THSD4: variants seen among roughly 807,000 people sequenced by gnomAD.
THSD4 encodes thrombospondin type-1 domain-containing protein 4.
Under a neutral mutation model 119.0 loss-of-function variants are expected in THSD4, and 69 were observed. The observed-to-expected ratio is 0.58, with a 90% CI of 0.48 to 0.71. The LOEUF (loss-of-function observed/expected upper bound fraction) is 0.71. Among genes scored for constraint, THSD4 ranks in the 30% least tolerant of loss-of-function variants. THSD4 has a pLI of 0.00. For missense variants in THSD4, 1,393 were observed against 1,391.1 expected, an observed-to-expected ratio of 1.00 and a Z score of -0.02; for synonymous variants, 524 against 540.4, an observed-to-expected ratio of 0.97 and a Z score of 0.42.
rs138371413 is a variant in THSD4, at chr15:71,723,509, A to C, written c.1358-5040A>C. On this transcript the variant is annotated intron_variant, in intron 8 of 17. Coordinates refer to ENST00000261862, the MANE Select transcript of THSD4 (RefSeq NM_024817.3). ...TCTTTTGAGCTCTTTGCCCTTGTCTACTGTGTAAACATTCAATTCTTACTA... is the reference window on the plus strand; with the variant it reads ...TCTTTTGAGCTCTTTGCCCTTGTCTCCTGTGTAAACATTCAATTCTTACTA... 1.5e-3 allele frequency among the ~76,000 whole-genome samples: 230 copies of C among 152,274 alleles called. 1 individual carries two copies. Among genetic ancestry groups the C allele is most frequent in the African/African-American group, 5.4e-3 (226 of 41,546 alleles).
chr15:71,398,745 T>C (rs1466304510), intron 6 of THSD4, among the ~76,000 whole-genome samples: 1 of 151,958 alleles, frequency 6.6e-6, no homozygotes, highest in African/African-American at 2.4e-5. Context: ...AAGCAGAGGT[T>C]GACAGCCACC....
At chr15:71,488,855 G>C (rs1238403802) in intron 7 of THSD4, among the ~76,000 whole-genome samples, 1 of 152,100 alleles carries the variant, frequency 6.6e-6, no homozygotes, top group African/African-American at 2.4e-5. Flanking sequence ...TTTTAGTTCT[G>C]TTTATTCTAC....
intron 11 of THSD4, among the ~76,000 whole-genome samples, chr15:71,742,215 T>C (rs956872549): frequency 1.3e-5 from 2 of 152,220 alleles, no homozygotes; most frequent in African/African-American, 4.8e-5. Context: ...GTGCTTTTCA[T>C]GGTCAAATTT....
intron 3 of THSD4, among the ~76,000 whole-genome samples, chr15:71,169,684 T>C (rs2043334803): frequency 6.6e-6 from 1 of 152,188 alleles, no homozygotes; most frequent in African/African-American, 2.4e-5. Context: ...CCAGATAACA[T>C]ATATGAAATA....
At chr15:71,609,619 G>A (rs1242484014) in intron 7 of THSD4, among the ~76,000 whole-genome samples, 3 of 152,254 alleles carry the variant, frequency 2.0e-5, no homozygotes, top group East Asian at 3.9e-4. Flanking sequence ...TTGGGAGGCC[G>A]AGGCGGGCAG....
chr15:71,147,383 A>T (rs116796023), intron 2 of THSD4, among the ~76,000 whole-genome samples: 2,033 of 151,880 alleles, frequency 0.013, 51 homozygotes, highest in African/African-American at 0.047. Flanking sequence ...TTTAAAAAAA[A>T]TTTTTTTGTA....
intron 1 of THSD4, among the ~76,000 whole-genome samples, chr15:71,119,354 G>A (rs2040389744): frequency 6.6e-6 from 1 of 152,212 alleles, no homozygotes; most frequent in Non-Finnish European, 1.5e-5. Context: ...GATTACCTCA[G>A]GCGATTCTTC....
At chr15:71,559,295 G>A (rs1301941175) in intron 7 of THSD4, among the ~76,000 whole-genome samples, 2 of 152,112 alleles carry the variant, frequency 1.3e-5, no homozygotes, top group African/African-American at 4.8e-5. Flanking sequence ...TGTGGTTTCT[G>A]AGTTTAGAAT....
At chr15:71,244,939 C>T (rs1296973902) in intron 5 of THSD4, among the ~76,000 whole-genome samples, 2 of 152,188 alleles carry the variant, frequency 1.3e-5, no homozygotes, top group Non-Finnish European at 2.9e-5. Context: ...AGCTGATGCC[C>T]GCTTAGCATT....
intron 14 of THSD4, among the ~76,000 whole-genome samples, chr15:71,749,602 A>G (rs2053405940): frequency 6.6e-6 from 1 of 152,212 alleles, no homozygotes; most frequent in Admixed American, 6.5e-5. Flanking sequence ...TGTGAACCGC[A>G]TTAAAGTGTA....
chr15:71,547,407 A>G, intron 7 of THSD4: 1 of 1,550,268 alleles, frequency 6.5e-7, no homozygotes, highest in South Asian at 1.2e-5. Context: ...ACTTTGGGTA[A>G]TAATGTTTGT....
chr15:71,755,520 G>A (rs184672181), intron 14 of THSD4, among the ~76,000 whole-genome samples: 9 of 152,024 alleles, frequency 5.9e-5, no homozygotes, highest in Non-Finnish European at 8.8e-5. Flanking sequence ...AAGGGCTTTG[G>A]TCATGTGCTA....
chr15:71,277,218 C>T (rs566358058), intron 6 of THSD4, among the ~76,000 whole-genome samples: 6 of 150,504 alleles, frequency 4.0e-5, no homozygotes, highest in African/African-American at 1.2e-4. Flanking sequence ...CTCTGCCTCC[C>T]GGGTTCAAGT....
chr15:71,108,065 A>C (rs1206289638), intron 1 of THSD4, among the ~76,000 whole-genome samples: 1 of 152,184 alleles, frequency 6.6e-6, no homozygotes, highest in African/African-American at 2.4e-5. Context: ...GCCTCCTCTG[A>C]TGTCTTCCAC....
At chr15:71,532,716 A>T (rs1306690166) in intron 7 of THSD4, among the ~76,000 whole-genome samples, 1 of 152,204 alleles carries the variant, frequency 6.6e-6, no homozygotes, top group African/African-American at 2.4e-5. Flanking sequence ...ATGTTTGACA[A>T]ATCTCTTAAA....
At chr15:71,547,644 CTTCTT>C (rs1388881729) in intron 7 of THSD4, 169 of 754,758 alleles carry the variant, frequency 2.2e-4, no homozygotes, top group Middle Eastern at 8.0e-4. Flanking sequence ...TATATGAAGA[CTTCTT>C]TTCTTCTTGA....
At chr15:71,385,141 A>G (rs2046279348) in intron 6 of THSD4, among the ~76,000 whole-genome samples, 1 of 152,186 alleles carries the variant, frequency 6.6e-6, no homozygotes, top group African/African-American at 2.4e-5. Context: ...GATCCAGTCC[A>G]GTTGCTTTCG....
At chr15:71,622,593 C>G (rs2050437087) in intron 7 of THSD4, among the ~76,000 whole-genome samples, 1 of 152,126 alleles carries the variant, frequency 6.6e-6, no homozygotes, top group Non-Finnish European at 1.5e-5. Flanking sequence ...CTAACATGTT[C>G]TAAATACTTT....
intron 15 of THSD4, among the ~76,000 whole-genome samples, chr15:71,760,333 G>A (rs904128586): frequency 6.6e-6 from 1 of 152,226 alleles, no homozygotes; most frequent in African/African-American, 2.4e-5. Flanking sequence ...GAGAGAATGA[G>A]ACCTAAGTCC....
Sources: allele counts gnomAD v4.1 joint callset (sites outside exome capture counted in the v4.1 genomes callset), GRCh38; gene constraint gnomAD v4.1.1; transcripts MANE v1.5; gene names NCBI Gene and HGNC (gene_info 2026-07-23, HGNC 2026-07-21).